The following ZFP64 variants were observed in gnomAD, a reference collection of about 807,000 sequenced individuals.
ZFP64 encodes zinc finger protein 64.
A neutral mutation model predicts 51.6 loss-of-function variants in ZFP64; 14 were observed. That is an observed-to-expected ratio of 0.27 (90% CI 0.18 to 0.42). The LOEUF (loss-of-function observed/expected upper bound fraction) is 0.42. Among genes scored for constraint, ZFP64 ranks in the 10% least tolerant of loss-of-function variants. The pLI is 1.00. For synonymous variants in ZFP64, 375 were observed against 361.4 expected, an observed-to-expected ratio of 1.04 and a Z score of -0.43; for missense variants, 754 against 906.8, an observed-to-expected ratio of 0.83 and a Z score of 2.16.
intron 5 of ZFP64, among the ~76,000 whole-genome samples, chr20:52,108,876 A>ACG (rs1909273299): frequency 6.7e-6 from 1 of 150,304 alleles, no homozygotes; most frequent in Non-Finnish European, 1.5e-5. Flanking sequence ...ACACACACAC[A>ACG]CACACACACA....
intron 2 of ZFP64, among the ~76,000 whole-genome samples, chr20:52,174,334 A>G (rs930644768): frequency 6.6e-6 from 1 of 152,044 alleles, no homozygotes; most frequent in African/African-American, 2.4e-5. Flanking sequence ...AAAAATACAA[A>G]AATTAGCTGG....
At chr20:52,189,208 G>C (rs1000197566) in intron 1 of ZFP64, among the ~76,000 whole-genome samples, 1 of 151,640 alleles carries the variant, frequency 6.6e-6, no homozygotes, top group South Asian at 2.1e-4. Flanking sequence ...CTATCCTGGC[G>C]AACATGGTGA....
intron 5 of ZFP64, among the ~76,000 whole-genome samples, chr20:52,104,381 T>C (rs372163814): frequency 1.1e-4 from 17 of 152,284 alleles, no homozygotes; most frequent in African/African-American, 3.6e-4. Flanking sequence ...ACGATCTCCT[T>C]GCTACATCCT....
chr20:52,086,198 G>A (rs1357206212), intron 8 of ZFP64, among the ~76,000 whole-genome samples: 1 of 152,116 alleles, frequency 6.6e-6, no homozygotes, highest in Non-Finnish European at 1.5e-5. Flanking sequence ...TTCAAGTTCA[G>A]AAGCCAACTA....
chr20:52,085,264 C>A lies in ZFP64; in HGVS notation c.1231G>T (p.Asp411Tyr), dbSNP rs755974345. 6 of 1,608,530 alleles carry A rather than the reference C, an allele frequency of 3.7e-6. No individual in the cohort carries two copies. The highest frequency in any genetic ancestry group is 4.2e-6 in the Non-Finnish European group (5 of 1,176,484). ...CAGAGCCAGCACTGGAAGGGGGTAT[C>A]CCCTAGCAATGGAAGGTGTGTTTCC... Residue 411 changes from aspartate to tyrosine, a missense_variant and splice_region_variant, in exon 9 of 9, where the codon GAT becomes TAT. Transcript: ENST00000361387. The surrounding 1 kb of genome is among the most constrained non-coding windows in gnomAD (Gnocchi z 4.3).
chr20:52,147,755 C>T (rs1980593775), downstream of ZFP64, among the ~76,000 whole-genome samples: 1 of 152,148 alleles, frequency 6.6e-6, no homozygotes, highest in Non-Finnish European at 1.5e-5. Flanking sequence ...TGGCTCACAC[C>T]TGTAATCCCA....
chr20:52,152,704 T>C lies in ZFP64; in HGVS notation c.1488A>G (p.Arg496=). ...PSQVPQFSEG[R]VKIIVGHQVP... ...CCTGATGCCCAACGATGATTTTGAC[T>C]CTTCCCTCGCTGAACTGGGGCACTT... The change falls in exon 6 of 6, where the codon AGA becomes AGG. Residue 496 remains arginine, a synonymous_variant. Transcript: ENST00000216923. 1 of 1,555,068 alleles carries C rather than the reference T, an allele frequency of 6.4e-7. No homozygotes were observed. The highest frequency in any genetic ancestry group is 8.7e-7 in the Non-Finnish European group (1 of 1,150,314).
Position 52,094,862 on chromosome 20 carries a change from A to G in ZFP64, c.976+2511T>C, listed in dbSNP as rs116004318. Among the ~76,000 whole-genome samples, 794 of 152,288 alleles carry G rather than the reference A, an allele frequency of 5.2e-3. 7 individuals carry two copies. Among genetic ancestry groups the G allele is most frequent in the African/African-American group, 0.018 (749 of 41,552 alleles). ...CTTTCTGAGCTTGGTTTTAACTTGA[A>G]AGTGATAAGTGATCTCAACCAAAAT... On this transcript the variant is annotated intron_variant, in intron 7 of 8. Coordinates refer to the ZFP64 transcript ENST00000361387.
intron 5 of ZFP64, among the ~76,000 whole-genome samples, chr20:52,102,048 G>T (rs142341875): frequency 1.4e-5 from 2 of 144,842 alleles, no homozygotes; most frequent in Non-Finnish European, 3.0e-5. Flanking sequence ...TGGGGCAGAG[G>T]TTGCAGTGAG....
chr20:52,140,578 G>A (rs770851979), intron 5 of ZFP64, among the ~76,000 whole-genome samples: 1 of 152,206 alleles, frequency 6.6e-6, no homozygotes, highest in Non-Finnish European at 1.5e-5. Context: ...ACTGAGAGAA[G>A]TGAGGAAGCT....
chr20:52,110,007 TC>T (rs1978473434), intron 5 of ZFP64, among the ~76,000 whole-genome samples: 1 of 152,058 alleles, frequency 6.6e-6, no homozygotes, highest in Admixed American at 6.6e-5. Context: ...TTTTTTCTTT[TC>T]CACTTAACCA....
chr20:52,098,388 G>C (rs764248488), intron 6 of ZFP64: 1 of 1,602,054 alleles, frequency 6.2e-7, no homozygotes, highest in Non-Finnish European at 8.5e-7. Flanking sequence ...AGGGCTTGCA[G>C]ATCAGTGCTT....
At chr20:52,111,426 G>T (rs1006827742) in intron 5 of ZFP64, among the ~76,000 whole-genome samples, 3 of 151,824 alleles carry the variant, frequency 2.0e-5, no homozygotes, top group Non-Finnish European at 4.4e-5. Context: ...TGTTGGTCAG[G>T]CTGGTCTTGA....
chr20:52,129,573 C>G (rs1209208566), intron 5 of ZFP64, among the ~76,000 whole-genome samples: 2 of 152,296 alleles, frequency 1.3e-5, no homozygotes, highest in South Asian at 2.1e-4. Context: ...GCTCATTTCC[C>G]TCACTCCTCC....
chr20:52,188,581 C>A (rs867479344), intron 1 of ZFP64, among the ~76,000 whole-genome samples: 1 of 151,498 alleles, frequency 6.6e-6, no homozygotes, highest in Admixed American at 6.6e-5. Flanking sequence ...CCAAATCCCT[C>A]CCTGGGATTA....
At chr20:52,139,848 G>GT (rs555986732) in intron 5 of ZFP64, among the ~76,000 whole-genome samples, 49,608 of 129,802 alleles carry the variant, frequency 0.38, 9,515 homozygotes, top group Non-Finnish European at 0.44. Flanking sequence ...GCGCTGAGTT[G>GT]TTTTTTTTTT....
chr20:52,130,870 T>C (rs1044602908), intron 5 of ZFP64, among the ~76,000 whole-genome samples: 7 of 151,892 alleles, frequency 4.6e-5, no homozygotes, highest in African/African-American at 7.3e-5. Context: ...GCTCAGGAGA[T>C]TGAGACCATC....
rs144578934 is a variant in ZFP64, at chr20:52,084,754, G to A, written c.1741C>T (p.Arg581Cys). ...AAGGAGGCGCCGCAGGTCTCACAGC[G>A]GAAGGCCCTCTGCGTCACGATCTTG... Residue 581 changes from arginine (R) to cysteine (C), a missense_variant, in exon 9 of 9, where the codon CGC (arginine) becomes TGC (cysteine). Coordinates refer to the ZFP64 transcript ENST00000361387. The A allele has an allele frequency of 1.1e-4, 171 of 1,614,206 alleles. No homozygotes were observed. The African/African-American group carries it at 1.9e-3, about 18-fold the overall frequency.
chr20:52,185,314 G>C (rs1983882134), intron 2 of ZFP64, among the ~76,000 whole-genome samples: 1 of 152,088 alleles, frequency 6.6e-6, no homozygotes, highest in African/African-American at 2.4e-5. Context: ...ATGAGCCACC[G>C]TGCCTGGCCT....
Sources: gnomAD v4.1 joint callset for allele counts (sites outside exome capture counted in the v4.1 genomes callset) on GRCh38, gnomAD v4.1.1 for gene constraint, Gnocchi (gnomAD v3.1) non-coding constraint, MANE v1.5 for transcripts, NCBI Gene and HGNC (gene_info 2026-07-23, HGNC 2026-07-21) for gene names.